CLIP1: variants seen among roughly 807,000 people sequenced by gnomAD.
CLIP1 encodes CAP-Gly domain-containing linker protein 1.
In CLIP1, 66 loss-of-function variants were observed where a neutral mutation model predicts 161.6. The ratio of observed to expected loss-of-function variants is 0.41; its 90% CI spans 0.33 to 0.50. The LOEUF is 0.50. Among genes scored for constraint, CLIP1 ranks in the 20% least tolerant of loss-of-function variants. The pLI, the probability that CLIP1 is intolerant of heterozygous loss-of-function variation, is 0.27. For synonymous variants in CLIP1, 598 were observed against 626.2 expected, an observed-to-expected ratio of 0.96 and a Z score of 0.67; for missense variants, 1,376 against 1,702.0, an observed-to-expected ratio of 0.81 and a Z score of 3.37.
At chr12:122,334,191 C>G (rs953649605) in intron 13 of CLIP1, 81 bp from the exon 14 acceptor site, 12 of 822,560 alleles carry the variant, frequency 1.5e-5, no homozygotes, top group Non-Finnish European at 2.4e-5. Context: ...ACAACCCAGT[C>G]AAATATTATG....
intron 20 of CLIP1, among the ~76,000 whole-genome samples, chr12:122,298,358 C>G (rs1472631230): frequency 6.6e-6 from 1 of 152,102 alleles, no homozygotes; most frequent in Non-Finnish European, 1.5e-5. Context: ...CCTGTAATTG[C>G]AGCACTTTGG....
chr12:122,328,046 C>T lies in CLIP1; in HGVS notation c.3150G>A (p.Thr1050=), dbSNP rs577855664. The change falls in exon 17 of 26, where the codon ACG becomes ACA. Residue 1050 remains threonine, a synonymous_variant. Transcript: ENST00000620786. ...HEEILQNLQK[T]LLDTEDKLKG... Reference sequence around the variant, plus strand: ...TCAGCTTGTCCTCTGTGTCCAGCAGCGTCTTCTGGAGGTTCTGTAGGATTT... The same window carrying T: ...TCAGCTTGTCCTCTGTGTCCAGCAGTGTCTTCTGGAGGTTCTGTAGGATTT... 9.3e-6 allele frequency: 15 copies of T among 1,614,028 alleles called. No individual in the cohort carries two copies. The highest frequency in any genetic ancestry group is 1.2e-5 in the Non-Finnish European group (14 of 1,180,020).
intron 3 of CLIP1, among the ~76,000 whole-genome samples, chr12:122,366,643 C>A (rs1954187209): frequency 6.6e-6 from 1 of 152,164 alleles, no homozygotes; most frequent in African/African-American, 2.4e-5. Flanking sequence ...GAGTTCGAGA[C>A]CAGCTTGGCC....
intron 20 of CLIP1, among the ~76,000 whole-genome samples, chr12:122,297,421 C>A (rs1950516232): frequency 6.6e-6 from 1 of 152,136 alleles, no homozygotes; most frequent in South Asian, 2.1e-4. Flanking sequence ...AGTAGGCACT[C>A]AATAACCACG....
chr12:122,364,775 C>T (rs933669181), intron 3 of CLIP1: 53 of 907,308 alleles, frequency 5.8e-5, no homozygotes, highest in Non-Finnish European at 7.7e-5. Flanking sequence ...TCCAGTAATT[C>T]GCCAAAATGA....
chr12:122,379,769 C>T (rs1954917136), intron 2 of CLIP1, among the ~76,000 whole-genome samples: 1 of 151,674 alleles, frequency 6.6e-6, no homozygotes, highest in Non-Finnish European at 1.5e-5. Context: ...CATGGTGAAA[C>T]CCCATCTCCA....
At chr12:122,361,857 A>T (rs768696746) in intron 4 of CLIP1, among the ~76,000 whole-genome samples, 9 of 152,192 alleles carry the variant, frequency 5.9e-5, no homozygotes, top group Admixed American at 2.6e-4. Context: ...AACTCAAGTG[A>T]TGGGCGCACC....
At chr12:122,352,614 G>A (rs1008495281) in intron 8 of CLIP1, 112 bp downstream of exon 8, 17 of 982,766 alleles carry the variant, frequency 1.7e-5, no homozygotes, top group Non-Finnish European at 2.4e-5. Flanking sequence ...ACCTTCCCCC[G>A]CCACTTCCTC....
intron 20 of CLIP1, among the ~76,000 whole-genome samples, chr12:122,293,787 G>GTTTTTTT (rs201115013): frequency 1.5e-5 from 2 of 132,906 alleles, no homozygotes; most frequent in Non-Finnish European, 1.6e-5. Flanking sequence ...CTGAGAATTT[G>GTTTTTTT]TTTTTTTTTT....
At chr12:122,274,401 T>G in intron 24 of CLIP1, 1 of 394,650 alleles carries the variant, frequency 2.5e-6, no homozygotes, top group Admixed American at 3.6e-5. Context: ...GGCAGTTTCT[T>G]TTACCCCCTC....
At chr12:122,301,588 C>T (rs1950680177) in intron 20 of CLIP1, among the ~76,000 whole-genome samples, 1 of 152,150 alleles carries the variant, frequency 6.6e-6, no homozygotes, top group Admixed American at 6.5e-5. Flanking sequence ...GCAGGAGAAT[C>T]ACTTGAACCC....
At chr12:122,390,279 CATATATATATATATAT>C (rs1179187571) in intron 1 of CLIP1, among the ~76,000 whole-genome samples, 1 of 78,984 alleles carries the variant, frequency 1.3e-5, no homozygotes, top group Admixed American at 1.6e-4. Flanking sequence ...TATATATATA[CATATATATATATATAT>C]ATATATATGT....
At position 122,377,737 on chromosome 12, in the gene CLIP1, C is replaced by A. The variant is rs1321610275; in HGVS notation, c.309G>T (p.Val103=). 1 of 1,613,732 alleles carries A rather than the reference C, an allele frequency of 6.2e-7. No homozygotes were observed. The highest frequency in any genetic ancestry group is 8.5e-7 in the Non-Finnish European group (1 of 1,179,988). Residue 103 remains valine (V), a synonymous_variant, in exon 3 of 26, where the codon GTG becomes GTT. Coordinates refer to ENST00000620786, the MANE Select transcript of CLIP1 (RefSeq NM_001247997.2). ...CACACTGGAAATACCGAACTCCTGC[C>A]ACCGAACCATCGTTCTTGCCTATGG... ...DEPIGKNDGS[V]AGVRYFQCEP...
intron 1 of CLIP1, among the ~76,000 whole-genome samples, chr12:122,421,473 A>C (rs1566258185): frequency 1.3e-5 from 2 of 152,174 alleles, no homozygotes; most frequent in South Asian, 4.1e-4. Context: ...CACAGCACTT[A>C]ATACTTATAG....
At chr12:122,274,215 A>G (rs774656744) in intron 24 of CLIP1, 53 bp from the exon 25 acceptor site, 12 of 1,482,610 alleles carry the variant, frequency 8.1e-6, no homozygotes, top group Non-Finnish European at 1.1e-5. Context: ...TATAAGCTGG[A>G]GCATCAAGAA....
intron 5 of CLIP1, among the ~76,000 whole-genome samples, chr12:122,357,805 G>C (rs1953539426): frequency 6.7e-6 from 1 of 150,116 alleles, no homozygotes. Flanking sequence ...CCCCATCCGG[G>C]AGGGAGGTGG....
At position 122,361,072 on chromosome 12, in the gene CLIP1, G is replaced by A. The variant is rs1953770694; in HGVS notation, c.892C>T (p.Arg298Ter). ...CTGGCGGACGTGGTCGCCATCACTC[G>A]CCTCACTGCGTTGGCCTTGGCTTTG... ...PAKAKANAVR[R>*]VMATTSASLK... The change falls in exon 5 of 26, where the codon CGA (arginine) becomes TGA (stop). Residue 298 changes from arginine to a stop codon, truncating the protein, a stop_gained. Coordinates refer to ENST00000620786, the MANE Select transcript of CLIP1 (RefSeq NM_001247997.2). LOFTEE classifies it high-confidence loss of function. 1 of 1,614,256 alleles carries A rather than the reference G, an allele frequency of 6.2e-7. No homozygotes were observed. The highest frequency in any genetic ancestry group is 8.5e-7 in the Non-Finnish European group (1 of 1,180,048).
chr12:122,273,105 A>G lies in CLIP1; in HGVS notation c.4092-5T>C, dbSNP rs377655731. ...GACTGTTTCTCCTGATCATCACTAC[A>G]AATGTTAATGTGTGAAATCAGAAAA... On this transcript the variant is annotated splice_polypyrimidine_tract_variant and splice_region_variant and intron_variant, in intron 25 of 25. Transcript: ENST00000620786. 30 of 1,610,878 alleles carry G rather than the reference A, an allele frequency of 1.9e-5. No homozygotes were observed. Among genetic ancestry groups the G allele is most frequent in the Non-Finnish European group, 2.4e-5 (28 of 1,177,720 alleles).
chr12:122,331,694 T>C (rs1017615809), intron 15 of CLIP1, among the ~76,000 whole-genome samples: 1 of 152,186 alleles, frequency 6.6e-6, no homozygotes, highest in African/African-American at 2.4e-5. Context: ...AATATGTGTT[T>C]CCTATTAAAA....
Sources: gnomAD v4.1 joint callset for allele counts (sites outside exome capture counted in the v4.1 genomes callset) on GRCh38, gnomAD v4.1.1 for gene constraint, MANE v1.5 for transcripts, NCBI Gene and HGNC (gene_info 2026-07-23, HGNC 2026-07-21) for gene names.